Variants in CALN1 observed in about 807,000 individuals in gnomAD.
CALN1 encodes calneuron 1, also known as calcium-binding protein 8.
CALN1 carries 17 observed loss-of-function variants against 30.6 expected under a neutral mutation model. The ratio of observed to expected loss-of-function variants is 0.56; its 90% CI spans 0.38 to 0.83. The LOEUF is 0.83. Ranked by LOEUF, CALN1 falls within the 40% of genes least tolerant of loss-of-function variation. The pLI, the probability that CALN1 is intolerant of heterozygous loss-of-function variation, is 0.00. For synonymous variants in CALN1, 156 were observed against 131.4 expected, an observed-to-expected ratio of 1.19 and a Z score of -1.28; for missense variants, 291 against 354.9, an observed-to-expected ratio of 0.82 and a Z score of 1.45.
At chr7:72,065,652 C>A (rs569199638) in intron 4 of CALN1, among the ~76,000 whole-genome samples, 1 of 152,184 alleles carries the variant, frequency 6.6e-6, no homozygotes. Flanking sequence ...AAAGCAGGAC[C>A]GAACCCCACG....
chr7:71,792,823 G>A (rs1364828580), intron 6 of CALN1, among the ~76,000 whole-genome samples: 1 of 152,088 alleles, frequency 6.6e-6, no homozygotes, highest in African/African-American at 2.4e-5. Context: ...TGACTGGGCT[G>A]AGGGAGAAAG....
intron 5 of CALN1, among the ~76,000 whole-genome samples, chr7:71,938,518 C>G (rs531807041): frequency 6.6e-6 from 1 of 151,938 alleles, no homozygotes; most frequent in Admixed American, 6.6e-5. Flanking sequence ...TACACAGGGC[C>G]GGGCACGGTG....
chr7:72,206,379 T>G (rs1791885761), intron 3 of CALN1, among the ~76,000 whole-genome samples: 1 of 152,222 alleles, frequency 6.6e-6, no homozygotes, highest in Admixed American at 6.5e-5. Context: ...ATTCTAGAGC[T>G]TCTCTCAAAC....
intron 2 of CALN1, among the ~76,000 whole-genome samples, chr7:72,394,973 T>C (rs1233628555): frequency 6.6e-6 from 1 of 152,118 alleles, no homozygotes; most frequent in African/African-American, 2.4e-5. Flanking sequence ...TCTATTCTTG[T>C]CTTGTAAGTG....
At chr7:72,497,211 G>A in the CALN1 span, among the ~76,000 whole-genome samples, 27 of 152,262 alleles carry the variant, frequency 1.8e-4, no homozygotes, top group Admixed American at 2.6e-4. Flanking sequence ...AGGCCAAAGC[G>A]GGTGGATCAC....
chr7:72,500,044 TG>T, the CALN1 span, among the ~76,000 whole-genome samples: 40 of 151,192 alleles, frequency 2.6e-4, no homozygotes, highest in East Asian at 6.3e-3. Flanking sequence ...CCCTAGTAGC[TG>T]GGATTACAGG....
At chr7:72,226,875 C>T (rs1793712565) in intron 3 of CALN1, among the ~76,000 whole-genome samples, 2 of 151,402 alleles carry the variant, frequency 1.3e-5, no homozygotes, top group Non-Finnish European at 2.9e-5. Context: ...ACACCCATCT[C>T]TACAAAAAAC....
intron 4 of CALN1, among the ~76,000 whole-genome samples, chr7:72,031,915 G>GT: frequency 6.6e-6 from 1 of 151,384 alleles, no homozygotes; most frequent in Non-Finnish European, 1.5e-5. Flanking sequence ...CTCATTTTTT[G>GT]TATTTTTAGT....
At chr7:72,219,641 A>G (rs558447) in intron 3 of CALN1, among the ~76,000 whole-genome samples, 4,337 of 151,392 alleles carry the variant, frequency 0.029, 207 homozygotes, top group African/African-American at 0.099. Context: ...ACATGCGCGC[A>G]CACACACACA....
chr7:72,406,323 A>T (rs1361093944), intron 1 of CALN1, among the ~76,000 whole-genome samples: 2 of 152,122 alleles, frequency 1.3e-5, no homozygotes, highest in Non-Finnish European at 2.9e-5. Context: ...ATTTAACTGG[A>T]AGCTTCTCCA....
chr7:72,028,472 G>A (rs1362741513), intron 4 of CALN1, among the ~76,000 whole-genome samples: 2 of 152,224 alleles, frequency 1.3e-5, no homozygotes, highest in Non-Finnish European at 2.9e-5. Flanking sequence ...TCCTGGCAAA[G>A]GGAGCAGCTC....
chr7:71,830,650 T>C (rs977665385), intron 5 of CALN1, among the ~76,000 whole-genome samples: 4 of 152,080 alleles, frequency 2.6e-5, no homozygotes, highest in African/African-American at 9.7e-5. Flanking sequence ...GCCCAGCCAA[T>C]GAATAAGTTC....
Position 72,223,359 on chromosome 7 carries a change from A to T in CALN1, c.244+55327T>A, listed in dbSNP as rs181734090. Among the ~76,000 whole-genome samples the T allele has an allele frequency of 2.7e-3, 416 of 152,230 alleles. 2 individuals carry two copies. The highest frequency in any genetic ancestry group is 9.5e-3 in the African/African-American group (393 of 41,540). ...AATACAAAGGAAACATCATTTCTAA[A>T]CCAAAAACAGGGCCCAACCAGCATG... On this transcript the variant is annotated intron_variant, in intron 3 of 6. Coordinates refer to ENST00000395275, the MANE Select transcript of CALN1 (RefSeq NM_031468.4).
chr7:72,492,033 T>C, the CALN1 span, among the ~76,000 whole-genome samples: 1 of 152,182 alleles, frequency 6.6e-6, no homozygotes, highest in Admixed American at 6.5e-5. Flanking sequence ...AGTGCCCTCA[T>C]CATGCTCCCA....
intron 4 of CALN1, among the ~76,000 whole-genome samples, chr7:72,050,350 G>C (rs114593089): frequency 0.02 from 2,969 of 152,072 alleles, 91 homozygotes; most frequent in African/African-American, 0.067. Flanking sequence ...GAAAATAACA[G>C]ATAATATACA....
chr7:71,874,206 T>C (rs971116819), intron 5 of CALN1, among the ~76,000 whole-genome samples: 1 of 144,112 alleles, frequency 6.9e-6, no homozygotes, highest in Non-Finnish European at 1.5e-5. Context: ...ACTTGGGAGG[T>C]AGAGGTTGCA....
chr7:72,032,203 C>T (rs1226275930), intron 4 of CALN1, among the ~76,000 whole-genome samples: 2 of 151,908 alleles, frequency 1.3e-5, no homozygotes, highest in Admixed American at 6.6e-5. Context: ...GGACTACAGG[C>T]GCCCACCACT....
intron 4 of CALN1, among the ~76,000 whole-genome samples, chr7:72,077,966 A>C (rs2129538470): frequency 6.6e-6 from 1 of 152,330 alleles, no homozygotes; most frequent in South Asian, 2.1e-4. Flanking sequence ...GAGGAGCACA[A>C]GGCTTCTAGA....
At chr7:72,284,537 T>C (rs1267340142) in intron 2 of CALN1, among the ~76,000 whole-genome samples, 1 of 152,068 alleles carries the variant, frequency 6.6e-6, no homozygotes, top group Non-Finnish European at 1.5e-5. Context: ...CATCCAACAG[T>C]GAATAGAATG....
Sources: allele counts gnomAD v4.1 joint callset (sites outside exome capture counted in the v4.1 genomes callset), GRCh38; gene constraint gnomAD v4.1.1; transcripts MANE v1.5; gene names NCBI Gene and HGNC (gene_info 2026-07-23, HGNC 2026-07-21).